Variants in GULP1 observed in about 807,000 individuals in gnomAD.
GULP1 encodes the protein PTB domain-containing engulfment adapter protein 1.
GULP1 carries 19 observed loss-of-function variants against 40.9 expected under a neutral mutation model. The observed-to-expected ratio is 0.46, with a 90% confidence interval of 0.32 to 0.68. The LOEUF (loss-of-function observed/expected upper bound fraction) is 0.68. Among genes scored for constraint, GULP1 ranks in the 30% least tolerant of loss-of-function variants. The pLI, the probability that GULP1 is intolerant of heterozygous loss-of-function variation, is 0.03. For synonymous variants in GULP1, 119 were observed against 117.6 expected, an observed-to-expected ratio of 1.01 and a Z score of -0.08; for missense variants, 312 against 362.2, an observed-to-expected ratio of 0.86 and a Z score of 1.12.
chr2:188,529,190 A>G lies in GULP1; in HGVS notation c.256A>G (p.Thr86Ala), dbSNP rs962366974. Residue 86 changes from threonine to alanine, a missense_variant, in exon 6 of 12, where the codon ACA (threonine) becomes GCA (alanine). Coordinates refer to ENST00000409830, the MANE Select transcript of GULP1 (RefSeq NM_016315.4). ...TGGAGTAAAAATTCTAGAACCCAAA[A>G]CAAAGGTAAGGCTTTTTTTTTAATG... Reference protein sequence around the residue: ...IYGVKILEPKTKEVQHNCQLH... With the variant: ...IYGVKILEPKAKEVQHNCQLH... The G allele has an allele frequency of 1.4e-5, 20 of 1,463,704 alleles. No individual in the cohort carries two copies. Among genetic ancestry groups the G allele is most frequent in the Admixed American group, 1.9e-5 (1 of 53,784 alleles). The allele number at this position is 1,463,704 out of a possible 1,614,324, so 90.7% of individuals were successfully genotyped here.
chr2:188,527,364 A>G (rs551615681), intron 5 of GULP1, among the ~76,000 whole-genome samples: 1 of 152,302 alleles, frequency 6.6e-6, no homozygotes, highest in Admixed American at 6.5e-5. Context: ...GCTGATAATG[A>G]GAGTTGCTTT....
intron 9 of GULP1, among the ~76,000 whole-genome samples, chr2:188,570,757 A>AT (rs1288339432): frequency 6.6e-6 from 1 of 152,110 alleles, no homozygotes; most frequent in Non-Finnish European, 1.5e-5. Context: ...TTAAAACAAT[A>AT]TTTTTTCTAG....
In GULP1 at chr2:188,569,260, A is replaced by G. The variant is rs750884700; in HGVS notation, c.421A>G (p.Ile141Val). The change falls in exon 8 of 12, where the codon ATT (isoleucine) becomes GTT (valine). Residue 141 changes from isoleucine to valine, a missense_variant. Physicochemically the swap from Ile to Val is conservative, Grantham distance 29. Transcript: ENST00000409830. ...ACAGGCTGAAGAGATCACTTTAACA[A>G]TTGGCCAAGCATTTGACCTGGCATA... ...EKCAEEITLT[I>V]GQAFDLAYRK... 1 of 1,572,924 alleles carries G rather than the reference A, an allele frequency of 6.4e-7. No homozygotes were observed.
intron 2 of GULP1, among the ~76,000 whole-genome samples, chr2:188,445,412 A>G (rs187767100): frequency 6.6e-6 from 1 of 152,306 alleles, no homozygotes; most frequent in East Asian, 1.9e-4. Flanking sequence ...TGACTAAAGC[A>G]AGGACTGTCT....
chr2:188,518,976 A>G (rs1253574881), intron 4 of GULP1, among the ~76,000 whole-genome samples: 3 of 152,158 alleles, frequency 2.0e-5, no homozygotes, highest in Non-Finnish European at 4.4e-5. Flanking sequence ...TAAGAGTTTT[A>G]TAAGTATTTT....
At chr2:188,477,632 T>C (rs1020291991) in intron 2 of GULP1, 27 bp from the exon 3 acceptor site, 1 of 1,195,462 alleles carries the variant, frequency 8.4e-7, no homozygotes, top group African/African-American at 1.6e-5. Flanking sequence ...CCTTTGTTTA[T>C]GTTTTAATAT....
intron 4 of GULP1, among the ~76,000 whole-genome samples, chr2:188,521,286 A>G (rs1203868288): frequency 6.6e-6 from 1 of 152,156 alleles, no homozygotes; most frequent in Admixed American, 6.5e-5. Context: ...TTTAGGAGGT[A>G]TTATATCTTT....
chr2:188,577,519 A>C (rs1700388466), intron 9 of GULP1, among the ~76,000 whole-genome samples: 1 of 152,128 alleles, frequency 6.6e-6, no homozygotes, highest in Admixed American at 6.5e-5. Context: ...TGTTAGTTGC[A>C]CAAGATAATT....
chr2:188,472,673 T>C (rs976299257), intron 2 of GULP1, among the ~76,000 whole-genome samples: 2 of 152,206 alleles, frequency 1.3e-5, no homozygotes, highest in Non-Finnish European at 2.9e-5. Context: ...ATTTATCTAA[T>C]AGAATTCTGA....
intron 7 of GULP1, among the ~76,000 whole-genome samples, chr2:188,555,713 G>A (rs1694572533): frequency 6.6e-6 from 1 of 152,098 alleles, no homozygotes; most frequent in South Asian, 2.1e-4. Context: ...TATCTGCTTA[G>A]GGATCATTGA....
intron 4 of GULP1, among the ~76,000 whole-genome samples, chr2:188,499,147 A>G (rs1272272914): frequency 7.1e-6 from 1 of 140,248 alleles, no homozygotes; most frequent in Admixed American, 7.1e-5. Context: ...ATATATATAT[A>G]TATATATATA....
At chr2:188,538,194 C>G (rs1689452704) in intron 6 of GULP1, among the ~76,000 whole-genome samples, 1 of 151,976 alleles carries the variant, frequency 6.6e-6, no homozygotes, top group South Asian at 2.1e-4. Flanking sequence ...TTCAATTCCA[C>G]TCAGATTTTA....
chr2:188,547,533 G>T (rs7600043), intron 7 of GULP1, among the ~76,000 whole-genome samples: 135,044 of 152,074 alleles, frequency 0.89, 61,259 homozygotes, highest in South Asian at 0.99. Context: ...AAAGATGTAG[G>T]CTGGGAGGTT....
chr2:188,545,844 A>G (rs1178863854), intron 7 of GULP1, among the ~76,000 whole-genome samples: 1 of 151,964 alleles, frequency 6.6e-6, no homozygotes, highest in Non-Finnish European at 1.5e-5. Flanking sequence ...CATTGCAAAC[A>G]TAATGGTATA....
chr2:188,497,322 A>G (rs1487050616), intron 4 of GULP1, among the ~76,000 whole-genome samples: 1 of 152,040 alleles, frequency 6.6e-6, no homozygotes, highest in African/African-American at 2.4e-5. Flanking sequence ...TAAAAATTGC[A>G]AAGAATGCAG....
At chr2:188,398,264 C>T (rs192499118) in intron 2 of GULP1, among the ~76,000 whole-genome samples, 2 of 152,200 alleles carry the variant, frequency 1.3e-5, no homozygotes, top group East Asian at 1.9e-4. Context: ...TCTGGCTTCC[C>T]GAACTATGAG....
At chr2:188,553,464 T>C (rs1324188913) in intron 7 of GULP1, among the ~76,000 whole-genome samples, 1 of 152,196 alleles carries the variant, frequency 6.6e-6, no homozygotes, top group East Asian at 1.9e-4. Flanking sequence ...GTTACCACCT[T>C]TACTGATTTG....
chr2:188,461,757 T>C (rs1306427784), intron 2 of GULP1, among the ~76,000 whole-genome samples: 3 of 152,208 alleles, frequency 2.0e-5, no homozygotes. Flanking sequence ...CCACTAATGA[T>C]TCTTTGAATT....
chr2:188,406,683 CA>C (rs1240458461), intron 2 of GULP1, among the ~76,000 whole-genome samples: 1 of 150,950 alleles, frequency 6.6e-6, no homozygotes, highest in Non-Finnish European at 1.5e-5. Flanking sequence ...CAAAACAAAA[CA>C]AAAAATAAAA....
Sources: gnomAD v4.1 joint callset for allele counts (sites outside exome capture counted in the v4.1 genomes callset) on GRCh38, gnomAD v4.1.1 for gene constraint, MANE v1.5 for transcripts, NCBI Gene and HGNC (gene_info 2026-07-23, HGNC 2026-07-21) for gene names.